AFF1: variants seen among roughly 807,000 people sequenced by gnomAD.
AFF1 encodes the protein AF4/FMR2 family member 1.
AFF1 carries 48 observed loss-of-function variants against 121.7 expected under a neutral mutation model. The observed-to-expected ratio is 0.39, with a 90% CI of 0.31 to 0.50. The LOEUF is 0.50. Ranked by LOEUF, AFF1 falls within the 20% of genes least tolerant of loss-of-function variation. AFF1 has a pLI of 0.76. For synonymous variants in AFF1, 613 were observed against 563.0 expected, an observed-to-expected ratio of 1.09 and a Z score of -1.26; for missense variants, 1,523 against 1,511.7, an observed-to-expected ratio of 1.01 and a Z score of -0.12.
At chr4:86,980,562 T>C (rs184434971) in intron 2 of AFF1, among the ~76,000 whole-genome samples, 75 of 152,286 alleles carry the variant, frequency 4.9e-4, no homozygotes, top group Admixed American at 5.9e-4. Context: ...TAAAAGGAAA[T>C]GGACTATTTT....
At chr4:87,057,044 A>G (rs1434510416) in intron 4 of AFF1, among the ~76,000 whole-genome samples, 1 of 152,184 alleles carries the variant, frequency 6.6e-6, no homozygotes, top group Non-Finnish European at 1.5e-5. Context: ...TCTTAACCAC[A>G]ACACCTACAT....
chr4:86,974,109 A>G (rs981961681), intron 2 of AFF1: 4 of 152,180 alleles, frequency 2.6e-5, no homozygotes, highest in African/African-American at 9.7e-5. Flanking sequence ...GGGTCATGCC[A>G]TCTTACTTGG....
intron 6 of AFF1, among the ~76,000 whole-genome samples, chr4:87,091,430 C>T (rs1257103705): frequency 6.6e-6 from 1 of 152,122 alleles, no homozygotes. Context: ...ACAAAAAAAA[C>T]AGTGACTCAT....
rs376635201 is a variant in AFF1 at position 87,114,747 on chromosome 4, C to T, written c.1914C>T (p.Pro638=). 3.7e-6 allele frequency: 6 copies of T among 1,613,784 alleles called. No individual in the cohort carries two copies. The highest frequency in any genetic ancestry group is 2.7e-5 in the African/African-American group (2 of 74,978). The change falls in exon 12 of 21, where the codon CCC becomes CCT. Residue 638 remains proline (P), a synonymous_variant. Transcript: ENST00000395146. ...LQGEREPGLL[P]YGSRDQTSKD... is the part of the protein sequence containing the mutation. Reference sequence around the variant, plus strand: ...GGGAAAGGGAGCCAGGGCTTCTTCCCTATGGCTCCCGAGACCAGACTTCCA... The same window carrying T: ...GGGAAAGGGAGCCAGGGCTTCTTCCTTATGGCTCCCGAGACCAGACTTCCA...
intron 4 of AFF1, among the ~76,000 whole-genome samples, chr4:87,051,533 T>C (rs551049371): frequency 6.6e-6 from 1 of 152,202 alleles, no homozygotes; most frequent in Non-Finnish European, 1.5e-5. Flanking sequence ...CAATCTTGGC[T>C]CACTGCAACC....
At chr4:87,046,386 C>A in intron 3 of AFF1, 100 bp downstream of exon 3, 1 of 1,424,020 alleles carries the variant, frequency 7.0e-7, no homozygotes, top group Non-Finnish European at 9.5e-7. Flanking sequence ...AGGGTCACAG[C>A]TGTGAAAATA....
chr4:87,071,687 G>T (rs1449803779), intron 4 of AFF1, among the ~76,000 whole-genome samples: 1 of 152,124 alleles, frequency 6.6e-6, no homozygotes, highest in African/African-American at 2.4e-5. Flanking sequence ...TCATCTACTT[G>T]TGCTGGTTGA....
At chr4:87,126,800 C>G (rs567058591) in intron 14 of AFF1, among the ~76,000 whole-genome samples, 22 of 152,172 alleles carry the variant, frequency 1.4e-4, no homozygotes, top group South Asian at 1.0e-3. Context: ...TTTGTGAGTT[C>G]TCTGATCTCT....
chr4:87,133,098 C>T (rs1410020719), intron 19 of AFF1, among the ~76,000 whole-genome samples: 6 of 152,224 alleles, frequency 3.9e-5, no homozygotes, highest in African/African-American at 1.2e-4. Context: ...ATGGACATAG[C>T]TTCTTGGCAT....
At chr4:87,073,807 T>G (rs1266733692) in intron 4 of AFF1, among the ~76,000 whole-genome samples, 3 of 152,238 alleles carry the variant, frequency 2.0e-5, no homozygotes, top group Non-Finnish European at 1.5e-5. Flanking sequence ...AACATAGAAT[T>G]AAACATGCTT....
At chr4:87,003,013 T>C (rs546259681) in intron 2 of AFF1, among the ~76,000 whole-genome samples, 6 of 152,318 alleles carry the variant, frequency 3.9e-5, no homozygotes, top group African/African-American at 1.4e-4. Flanking sequence ...CACTTGGAAA[T>C]AATAATGCCC....
chr4:87,001,104 C>A (rs998155934), intron 2 of AFF1, among the ~76,000 whole-genome samples: 1 of 150,818 alleles, frequency 6.6e-6, no homozygotes, highest in Non-Finnish European at 1.5e-5. Flanking sequence ...TCTCCTCCTA[C>A]AGAGAACTGT....
intron 1 of AFF1, among the ~76,000 whole-genome samples, chr4:86,947,922 A>G (rs1263948722): frequency 6.6e-6 from 1 of 151,746 alleles, no homozygotes. Context: ...TTCTTATGTG[A>G]GAATGACCTG....
chr4:87,027,336 A>G (rs1728621977), intron 2 of AFF1, among the ~76,000 whole-genome samples: 1 of 152,266 alleles, frequency 6.6e-6, no homozygotes, highest in African/African-American at 2.4e-5. Flanking sequence ...GCACGGATAC[A>G]CATGTAACAT....
At chr4:87,013,146 CCATTCTGCCT>C (rs1172276750) in intron 2 of AFF1, among the ~76,000 whole-genome samples, 12 of 143,374 alleles carry the variant, frequency 8.4e-5, no homozygotes, top group African/African-American at 3.3e-4. Flanking sequence ...TGGGTTCAAG[CCATTCTGCCT>C]CAGCCTCCGG....
At chr4:87,053,203 T>A (rs17012304) in intron 4 of AFF1, among the ~76,000 whole-genome samples, 9,794 of 152,274 alleles carry the variant, frequency 0.064, 521 homozygotes, top group African/African-American at 0.14. Flanking sequence ...AGTCTGGCTT[T>A]GAGTCCTGAT....
At chr4:86,970,356 G>A (rs1051363456) in intron 2 of AFF1, among the ~76,000 whole-genome samples, 3 of 152,024 alleles carry the variant, frequency 2.0e-5, no homozygotes, top group Admixed American at 6.6e-5. Flanking sequence ...ATACTAAAGT[G>A]GAAACACTTC....
At chr4:87,022,543 GATATATATATATATATATATAT>G (rs1156817444) in intron 2 of AFF1, among the ~76,000 whole-genome samples, 75 of 80,178 alleles carry the variant, frequency 9.4e-4, no homozygotes, top group Middle Eastern at 6.3e-3. Context: ...CGTGCTTACA[GATATATATATATATATATATAT>G]ATATATATAT....
At chr4:87,106,120 C>T (rs533029780) in intron 10 of AFF1, among the ~76,000 whole-genome samples, 37 of 152,286 alleles carry the variant, frequency 2.4e-4, no homozygotes, top group African/African-American at 7.2e-4. Context: ...TGCTAGCTCA[C>T]GCCTGTAATC....
Sources: gnomAD v4.1 joint callset for allele counts (sites outside exome capture counted in the v4.1 genomes callset) on GRCh38, gnomAD v4.1.1 for gene constraint, MANE v1.5 for transcripts, NCBI Gene and HGNC (gene_info 2026-07-23, HGNC 2026-07-21) for gene names.